The following NRG3 variants were observed in gnomAD, a reference collection of about 807,000 sequenced individuals.
The protein encoded by NRG3 is neuregulin 3.
A neutral mutation model predicts 66.9 loss-of-function variants in NRG3; 31 were observed. That is an observed-to-expected ratio of 0.46 (90% CI 0.35 to 0.63). NRG3 has a LOEUF of 0.63. Ranked by LOEUF, NRG3 falls within the 20% of genes least tolerant of loss-of-function variation. The probability of loss-of-function intolerance (pLI) is 0.00; values close to 1 mark genes in which losing one functional copy is unlikely to be tolerated. For missense variants in NRG3, 910 were observed against 878.9 expected, an observed-to-expected ratio of 1.04 and a Z score of -0.45; for synonymous variants, 393 against 359.4, an observed-to-expected ratio of 1.09 and a Z score of -1.06.
chr10:82,157,380 A>G (rs981109785), intron 1 of NRG3, among the ~76,000 whole-genome samples: 1 of 151,750 alleles, frequency 6.6e-6, no homozygotes, highest in African/African-American at 2.4e-5. Context: ...TGTAATATAA[A>G]ATGAGCCAAA....
chr10:82,383,316 TC>T (rs1174297697), intron 2 of NRG3, among the ~76,000 whole-genome samples: 1 of 152,010 alleles, frequency 6.6e-6, no homozygotes, highest in Non-Finnish European at 1.5e-5. Flanking sequence ...TTTAAGATTT[TC>T]TGTCCCCAAA....
intron 2 of NRG3, among the ~76,000 whole-genome samples, chr10:82,449,501 G>A (rs2090913910): frequency 6.6e-6 from 1 of 152,150 alleles, no homozygotes; most frequent in Non-Finnish European, 1.5e-5. Flanking sequence ...GATTGCTGTA[G>A]GTACTGAGGA....
chr10:82,164,151 C>A (rs1387044092), intron 1 of NRG3, among the ~76,000 whole-genome samples: 2 of 151,978 alleles, frequency 1.3e-5, no homozygotes, highest in Non-Finnish European at 1.5e-5. Context: ...GAACTCCTAA[C>A]AGGGATCCAC....
chr10:82,659,178 T>G (rs1369091436), intron 2 of NRG3, among the ~76,000 whole-genome samples: 2 of 152,232 alleles, frequency 1.3e-5, no homozygotes, highest in Non-Finnish European at 2.9e-5. Flanking sequence ...CAAGGTTATA[T>G]TTTAGAATTA....
chr10:82,179,140 A>G (rs1460069624), intron 1 of NRG3, among the ~76,000 whole-genome samples: 1 of 151,882 alleles, frequency 6.6e-6, no homozygotes, highest in African/African-American at 2.4e-5. Flanking sequence ...ATTATATTTT[A>G]AGTGTTAACC....
chr10:82,148,892 C>G (rs1228476038), intron 1 of NRG3, among the ~76,000 whole-genome samples: 1 of 151,990 alleles, frequency 6.6e-6, no homozygotes, highest in Non-Finnish European at 1.5e-5. Context: ...TCCTGCTTGC[C>G]TATCACTCAC....
Position 82,470,134 on chromosome 10 carries a change from T to TA in NRG3, c.953+111266_953+111267insA, listed in dbSNP as rs533131353. Among the ~76,000 whole-genome samples the TA allele has an allele frequency of 1.2e-3, 178 of 152,338 alleles. 1 individual carries two copies. Among genetic ancestry groups the TA allele is most frequent in the African/African-American group, 4.0e-3 (168 of 41,582 alleles). ...TGCAGAGCTCAAATCCAATGCCATG[T>TA]CAAGGCACACTGTAAAAGAAGGGCT... On this transcript the variant is annotated intron_variant, in intron 2 of 8. Transcript: ENST00000372141.
chr10:82,811,067 T>G (rs1388451868), intron 3 of NRG3, among the ~76,000 whole-genome samples: 1 of 152,168 alleles, frequency 6.6e-6, no homozygotes, highest in Non-Finnish European at 1.5e-5. Context: ...GAAATTCACT[T>G]TTTCACTGGG....
chr10:81,917,683 A>G (rs1845833831), intron 1 of NRG3, among the ~76,000 whole-genome samples: 1 of 152,190 alleles, frequency 6.6e-6, no homozygotes, highest in Non-Finnish European at 1.5e-5. Context: ...CTATTCAACT[A>G]TGCGTGTACT....
rs1039172306 is a variant in NRG3 at position 81,919,457 on chromosome 10, A to G, written c.823+43294A>G. ...GGTAGCAGCGTGCAGAGATTACAGCATGTATTATGAACTCATAAATAACAT... is the reference window on the plus strand; with the variant it reads ...GGTAGCAGCGTGCAGAGATTACAGCGTGTATTATGAACTCATAAATAACAT... On this transcript the variant is annotated intron_variant, in intron 1 of 8. Transcript: ENST00000372141. Among the ~76,000 whole-genome samples, 6 of 152,188 alleles carry G rather than the reference A, an allele frequency of 3.9e-5. No individual in the cohort carries two copies. The East Asian group carries it at 9.6e-4, about 24-fold the overall frequency.
chr10:82,199,198 A>G (rs565509594), intron 1 of NRG3, among the ~76,000 whole-genome samples: 4 of 151,736 alleles, frequency 2.6e-5, no homozygotes, highest in Non-Finnish European at 5.9e-5. Context: ...AAAAGAAAAA[A>G]AAATAACTCA....
intron 1 of NRG3, among the ~76,000 whole-genome samples, chr10:82,183,047 C>G (rs912387555): frequency 2.0e-5 from 3 of 151,856 alleles, no homozygotes; most frequent in Admixed American, 6.6e-5. Flanking sequence ...TTTCAAAATT[C>G]TCTTTGTCTT....
At chr10:82,029,362 T>TATG in intron 1 of NRG3, among the ~76,000 whole-genome samples, 1 of 152,246 alleles carries the variant, frequency 6.6e-6, no homozygotes, top group South Asian at 2.1e-4. Context: ...GTGAATGGGA[T>TATG]TAAATTAAAT....
chr10:82,476,636 A>G (rs1045282619), intron 2 of NRG3, among the ~76,000 whole-genome samples: 2 of 152,206 alleles, frequency 1.3e-5, no homozygotes, highest in African/African-American at 4.8e-5. Flanking sequence ...CTCTCCTTAT[A>G]TGAGGTACCA....
intron 3 of NRG3, among the ~76,000 whole-genome samples, chr10:82,774,196 T>C (rs1430938022): frequency 6.6e-6 from 1 of 152,176 alleles, no homozygotes; most frequent in African/African-American, 2.4e-5. Flanking sequence ...TTATTGAGTA[T>C]TTTTACACTA....
chr10:82,406,203 T>G (rs549243995), intron 2 of NRG3, among the ~76,000 whole-genome samples: 2 of 152,314 alleles, frequency 1.3e-5, no homozygotes, highest in South Asian at 2.1e-4. Context: ...GATTCACATA[T>G]GAAAGTATTA....
intron 1 of NRG3, among the ~76,000 whole-genome samples, chr10:82,208,269 C>T (rs1266591924): frequency 6.6e-6 from 1 of 152,044 alleles, no homozygotes; most frequent in East Asian, 1.9e-4. Flanking sequence ...AATTGGAAGC[C>T]TTTTAAATGC....
At position 82,784,216 on chromosome 10, in the gene NRG3, A is replaced by G. The variant is rs1052685752; in HGVS notation, c.1027+45566A>G. On this transcript the variant is annotated intron_variant, in intron 3 of 8. Transcript: ENST00000372141. The stretch of plus-strand genomic sequence containing the variant: ...TTATACAAAAATGAATTCAAGATGG[A>G]TTAAAGACTTAAACGTTAGACCTAA... 4.1e-3 allele frequency among the ~76,000 whole-genome samples: 617 copies of G among 152,190 alleles called. 6 individuals carry two copies. The highest frequency in any genetic ancestry group is 0.013 in the African/African-American group (556 of 41,500).
At chr10:82,630,522 T>A (rs1253677181) in intron 2 of NRG3, among the ~76,000 whole-genome samples, 2 of 151,960 alleles carry the variant, frequency 1.3e-5, no homozygotes, top group South Asian at 2.1e-4. Context: ...GTGTAAGAAT[T>A]TTAAGTTGGC....
Sources: gnomAD v4.1 joint callset for allele counts (sites outside exome capture counted in the v4.1 genomes callset) on GRCh38, gnomAD v4.1.1 for gene constraint, MANE v1.5 for transcripts, NCBI Gene and HGNC (gene_info 2026-07-23, HGNC 2026-07-21) for gene names.